Variants in ADAMTSL2 observed in about 807,000 individuals in gnomAD.
ADAMTSL2 encodes ADAMTS like 2, also known as ADAMTS-like protein 2.
In ADAMTSL2, 55 loss-of-function variants were observed where a neutral mutation model predicts 117.0. That is an observed-to-expected ratio of 0.47 (90% CI 0.38 to 0.59). ADAMTSL2 has a LOEUF of 0.59. Ranked by LOEUF, ADAMTSL2 falls within the 20% of genes least tolerant of loss-of-function variation. ADAMTSL2 has a pLI of 0.00. For missense variants in ADAMTSL2, 1,182 were observed against 1,354.5 expected, an observed-to-expected ratio of 0.87 and a Z score of 2.00; for synonymous variants, 572 against 566.4, an observed-to-expected ratio of 1.01 and a Z score of -0.14.
chr9:133,550,637 G>C (rs1386551212), intron 9 of ADAMTSL2, among the ~76,000 whole-genome samples: 4 of 152,130 alleles, frequency 2.6e-5, no homozygotes, highest in African/African-American at 9.7e-5. Context: ...CCCAGTAGCT[G>C]AGTGGCCTTT....
At chr9:133,564,213 GGA>G (rs1830857851) in intron 12 of ADAMTSL2, among the ~76,000 whole-genome samples, 1 of 12,250 alleles carries the variant, frequency 8.2e-5, no homozygotes, top group East Asian at 2.5e-3. Context: ...AGAGAGAGAG[GGA>G]GAGGGAGAGA....
chr9:133,543,408 G>A (rs1008122314), intron 7 of ADAMTSL2, among the ~76,000 whole-genome samples: 10 of 152,236 alleles, frequency 6.6e-5, no homozygotes, highest in African/African-American at 1.9e-4. Context: ...AAGTTAAGCT[G>A]CCCCATTACA....
At chr9:133,573,675 G>A (rs924419183) in intron 17 of ADAMTSL2, among the ~76,000 whole-genome samples, 168 bp from the exon 18 acceptor site, 1 of 152,174 alleles carries the variant, frequency 6.6e-6, no homozygotes, top group Non-Finnish European at 1.5e-5. Flanking sequence ...CCTTGGAGCC[G>A]CAGGTCTAGT....
chr9:133,538,300 C>T (rs1277542660), intron 3 of ADAMTSL2, 49 bp from the exon 4 acceptor site: 8 of 1,609,720 alleles, frequency 5.0e-6, no homozygotes, highest in Admixed American at 1.7e-5. Flanking sequence ...AGGCGACATT[C>T]CTGAAACTCC....
At chr9:133,537,842 T>C (rs1217291249) in intron 3 of ADAMTSL2, among the ~76,000 whole-genome samples, 1 of 152,212 alleles carries the variant, frequency 6.6e-6, no homozygotes, top group African/African-American at 2.4e-5. Context: ...TGACTTCTCT[T>C]CTGAAGACCT....
chr9:133,559,376 G>A (rs1174211818), intron 11 of ADAMTSL2, among the ~76,000 whole-genome samples: 1 of 130,186 alleles, frequency 7.7e-6, no homozygotes, highest in East Asian at 2.2e-4. Flanking sequence ...TTGAGACGGA[G>A]TCACTCTGTT....
chr9:133,537,620 T>C, intron 3 of ADAMTSL2, 73 bp downstream of exon 3: 1 of 1,290,804 alleles, frequency 7.7e-7, no homozygotes, highest in Non-Finnish European at 9.9e-7. Flanking sequence ...GGCGGTTGGC[T>C]CTTCAGCCTG....
intron 4 of ADAMTSL2, 63 bp from the exon 5 acceptor site, chr9:133,539,708 G>A: frequency 4.1e-6 from 2 of 484,138 alleles, no homozygotes; most frequent in Non-Finnish European, 5.8e-6. Flanking sequence ...TGCTTAGCCT[G>A]GACAAAAATG....
chr9:133,544,363 C>T, intron 7 of ADAMTSL2, 107 bp from the exon 8 acceptor site: 1 of 959,916 alleles, frequency 1.0e-6, no homozygotes, highest in South Asian at 1.3e-5. Flanking sequence ...GTTGGGCCAG[C>T]CCTTAGACAG....
intron 4 of ADAMTSL2, 106 bp from the exon 5 acceptor site, chr9:133,539,665 G>GCTGTCCCGGCTGTCCCGGCTGTCCCGA: frequency 7.0e-6 from 8 of 1,136,884 alleles, no homozygotes; most frequent in Non-Finnish European, 1.0e-5. Flanking sequence ...GGCTGTCCCG[G>GCTGTCCCGGCTGTCCCGGCTGTCCCGA]CTGTCCCGGC....
chr9:133,560,358 C>A (rs1217842301), intron 11 of ADAMTSL2, among the ~76,000 whole-genome samples: 1 of 152,246 alleles, frequency 6.6e-6, no homozygotes, highest in Non-Finnish European at 1.5e-5. Flanking sequence ...CCTTCTCTGG[C>A]TCAGGGGCGG....
Position 133,554,576 on chromosome 9 carries a change from G to A in ADAMTSL2, c.1159G>A (p.Gly387Ser), listed in dbSNP as rs751807903. The change falls in exon 10 of 19, where the codon GGC becomes AGC. Residue 387 changes from glycine (G) to serine (S), a missense_variant. Around this residue, in one of 3 missense-constraint regions of ADAMTSL2, gnomAD observed 345 missense variants for 325.8 expected, o/e 1.06. Transcript: ENST00000651351. This position sits in a 1 kb window ranked among gnomAD's most constrained non-coding sequence, Gnocchi z 5.2. The stretch of plus-strand genomic sequence containing the variant: ...GCTGGGCCTGGACAACCGGCTGTTC[G>A]GCCACCCGGGCCTGGACATGGAGCT... ...ERLGLDNRLF[G>S]HPGLDMELGP... is the part of the protein sequence containing the mutation. The A allele has an allele frequency of 1.1e-4, 163 of 1,546,434 alleles. 1 individual carries two copies. Among genetic ancestry groups the A allele is most frequent in the South Asian group, 1.0e-3 (87 of 84,058 alleles).
At chr9:133,571,040 C>A (rs1254369293) in intron 17 of ADAMTSL2, among the ~76,000 whole-genome samples, 1 of 152,180 alleles carries the variant, frequency 6.6e-6, no homozygotes, top group Non-Finnish European at 1.5e-5. Flanking sequence ...GACTCTTGGG[C>A]CCCCAGAATG....
chr9:133,544,627 T>G, intron 8 of ADAMTSL2, 77 bp downstream of exon 8: 1 of 1,267,958 alleles, frequency 7.9e-7, no homozygotes, highest in Non-Finnish European at 1.2e-6. Context: ...GAAGGGGCAC[T>G]TGACCCTGGA....
rs369649237 is a variant in ADAMTSL2 at position 133,566,651 on chromosome 9, C to T, written c.1748-285C>T. ...GACTGTGTTTGCCTCTGCACCTCCACGGGGGCCAGCTGGAGCAGACTCAAA... is the reference window on the plus strand; with the variant it reads ...GACTGTGTTTGCCTCTGCACCTCCATGGGGGCCAGCTGGAGCAGACTCAAA... On this transcript the variant is annotated intron_variant, in intron 12 of 18. Coordinates refer to ENST00000651351, the MANE Select transcript of ADAMTSL2 (RefSeq NM_014694.4). Among the ~76,000 whole-genome samples, 1,154 of 133,294 alleles carry T rather than the reference C, an allele frequency of 8.7e-3. 10 individuals are homozygous for T. Among genetic ancestry groups the T allele is most frequent in the African/African-American group, 0.03 (1,103 of 36,358 alleles). 87.4% of individuals were successfully genotyped at this position (133,294 alleles called of 152,430 possible).
At chr9:133,564,635 A>AGGGG (rs1564179013) in intron 12 of ADAMTSL2, among the ~76,000 whole-genome samples, 1 of 46,420 alleles carries the variant, frequency 2.2e-5, no homozygotes, top group Non-Finnish European at 4.5e-5. Flanking sequence ...GGAGAGAGAG[A>AGGGG]GAGAGGGAGA....
rs4962251 is a variant in ADAMTSL2 at position 133,558,115 on chromosome 9, C to G, written c.1649+2185C>G. 2.0e-4 allele frequency among the ~76,000 whole-genome samples: 30 copies of G among 152,178 alleles called. No homozygotes were observed. Among genetic ancestry groups the G allele is most frequent in the African/African-American group, 6.7e-4 (28 of 41,564 alleles). ...CTCTTACCCTCCCCTCTTAGCCCCC[C>G]GCCCCAGGATATATTGAATTTCCAG... On this transcript the variant is annotated intron_variant, in intron 11 of 18. Coordinates refer to ENST00000651351, the MANE Select transcript of ADAMTSL2 (RefSeq NM_014694.4). This position sits in a 1 kb window ranked among gnomAD's most constrained non-coding sequence, Gnocchi z 4.3.
intron 7 of ADAMTSL2, among the ~76,000 whole-genome samples, chr9:133,541,771 C>T (rs796875617): frequency 3.3e-4 from 51 of 152,362 alleles, no homozygotes; most frequent in African/African-American, 1.1e-3. Context: ...TCCTAAGCTG[C>T]AGGCATTTGG....
Position 133,570,522 on chromosome 9 carries a change from G to A in ADAMTSL2, c.2592+15G>A, listed in dbSNP as rs956658176. ...CCTGGTCAGAGGTGAGCTCCCAGCC[G>A]GCCCCTCTGAGGTTGCCTGAGGCCA... On this transcript the variant is annotated intron_variant, in intron 17 of 18. Coordinates refer to ENST00000651351, the MANE Select transcript of ADAMTSL2 (RefSeq NM_014694.4). 6.0e-5 allele frequency: 96 copies of A among 1,606,994 alleles called. No homozygotes were observed. The East Asian group carries it at 1.1e-3, about 18-fold the overall frequency.
Sources: gnomAD v4.1 joint callset for allele counts (sites outside exome capture counted in the v4.1 genomes callset) on GRCh38, gnomAD v4.1.1 for gene constraint, gnomAD v4.1.1 regional missense constraint, Gnocchi (gnomAD v3.1) non-coding constraint, MANE v1.5 for transcripts, NCBI Gene and HGNC (gene_info 2026-07-23, HGNC 2026-07-21) for gene names.